Variants in SNX16 observed in about 807,000 individuals in gnomAD.
SNX16 encodes sorting nexin 16, also known as sorting nexin-16.
A neutral mutation model predicts 36.7 loss-of-function variants in SNX16; 35 were observed. The observed-to-expected ratio is 0.95, with a 90% CI of 0.73 to 1.27. The LOEUF is 1.27. Ranked by LOEUF, SNX16 falls within the 50% of genes most tolerant of loss-of-function variation. SNX16 has a pLI of 0.00. For missense variants in SNX16, 367 were observed against 393.6 expected (o/e 0.93, Z 0.57); for synonymous variants, 134 against 132.0 (o/e 1.02, Z -0.10).
At chr8:81,823,652 G>T in intron 4 of SNX16, 140 bp downstream of exon 4, 1 of 624,768 alleles carries the variant, frequency 1.6e-6, no homozygotes, top group Non-Finnish European at 2.5e-6. Context: ...ATCTCTTGTA[G>T]TACTTTGTTA....
At chr8:81,830,871 C>T (rs1212167569) in intron 2 of SNX16, among the ~76,000 whole-genome samples, 1 of 152,178 alleles carries the variant, frequency 6.6e-6, no homozygotes, top group East Asian at 1.9e-4. Context: ...AATTATATTA[C>T]AAGCCTACAA....
intron 2 of SNX16, among the ~76,000 whole-genome samples, chr8:81,835,948 T>C (rs58117037): frequency 0.6 from 90,706 of 152,072 alleles, 27,781 homozygotes; most frequent in East Asian, 0.98. Flanking sequence ...TTGCCCCTTG[T>C]CCCTCATCTG....
chr8:81,824,468 T>C (rs1239986168), intron 3 of SNX16, among the ~76,000 whole-genome samples: 1 of 152,170 alleles, frequency 6.6e-6, no homozygotes, highest in African/African-American at 2.4e-5. Flanking sequence ...AGCAGATTTT[T>C]TTTAATTTTA....
chr8:81,806,404 A>G (rs1422719909), intron 5 of SNX16, among the ~76,000 whole-genome samples: 1 of 152,210 alleles, frequency 6.6e-6, no homozygotes, highest in Non-Finnish European at 1.5e-5. Context: ...ATAGATTAAA[A>G]AAAACCCATA....
At chr8:81,802,918 T>C (rs2029414) in intron 6 of SNX16, among the ~76,000 whole-genome samples, 174 bp downstream of exon 6, 13,575 of 151,838 alleles carry the variant, frequency 0.089, 701 homozygotes, top group East Asian at 0.18. Context: ...ATGTTCAAAA[T>C]TTATTTAGCA....
intron 5 of SNX16, among the ~76,000 whole-genome samples, chr8:81,814,064 T>C (rs564454153): frequency 3.9e-4 from 60 of 152,114 alleles, no homozygotes; most frequent in Non-Finnish European, 6.5e-4. Context: ...CTTAGGGAAG[T>C]AGAATTTCTC....
At chr8:81,802,344 C>A in intron 7 of SNX16, 36 bp downstream of exon 7, 1 of 1,540,616 alleles carries the variant, frequency 6.5e-7, no homozygotes, top group South Asian at 1.2e-5. Flanking sequence ...TCCAATTATT[C>A]AAGAATTAAG....
intron 5 of SNX16, among the ~76,000 whole-genome samples, chr8:81,806,444 A>T (rs1215800679): frequency 6.6e-6 from 1 of 152,210 alleles, no homozygotes; most frequent in Non-Finnish European, 1.5e-5. Flanking sequence ...AAGTGAAAGC[A>T]TTCACACACA....
intron 2 of SNX16, among the ~76,000 whole-genome samples, chr8:81,831,017 C>T (rs1266399424): frequency 2.6e-5 from 4 of 152,106 alleles, no homozygotes; most frequent in Non-Finnish European, 4.4e-5. Flanking sequence ...CATAGGGAAG[C>T]GATCCCCTGT....
intron 5 of SNX16, among the ~76,000 whole-genome samples, chr8:81,809,046 T>C (rs1810104026): frequency 6.6e-6 from 1 of 152,146 alleles, no homozygotes; most frequent in Non-Finnish European, 1.5e-5. Flanking sequence ...CTGATTGTGA[T>C]ACTGAATAAA....
intron 5 of SNX16, chr8:81,815,050 A>G: frequency 1.1e-5 from 2 of 181,180 alleles, no homozygotes. Context: ...AGGTCCCCCA[A>G]ATCATTTTTT....
intron 7 of SNX16, among the ~76,000 whole-genome samples, 176 bp from the exon 8 acceptor site, chr8:81,801,769 G>A (rs1468035057): frequency 6.6e-6 from 1 of 151,580 alleles, no homozygotes; most frequent in Admixed American, 6.6e-5. Context: ...ATATATTTAA[G>A]TTGTCATTGC....
At position 81,808,666 on chromosome 8, in the gene SNX16, C is replaced by T. The variant is rs184060322; in HGVS notation, c.682-5438G>A. The T allele has an allele frequency of 8.0e-6, 8 of 994,252 alleles. No individual in the cohort carries two copies. The Admixed American group carries it at 1.4e-4, about 17-fold the overall frequency. 61.6% of individuals were successfully genotyped at this position (994,252 alleles called of 1,614,324 possible). A position where few individuals can be genotyped will look rare whatever the true frequency, so the allele number is the denominator to read the frequency against. On this transcript the variant is annotated intron_variant, in intron 5 of 7. Transcript: ENST00000345957. ...GGTGGAGGCCAATACTTTGCCAAACCACGAAACCAAGGTGGCTATGGCGGT... is the reference window on the plus strand; with the variant it reads ...GGTGGAGGCCAATACTTTGCCAAACTACGAAACCAAGGTGGCTATGGCGGT...
chr8:81,822,302 T>A (rs777476854), intron 4 of SNX16, among the ~76,000 whole-genome samples: 3 of 151,940 alleles, frequency 2.0e-5, no homozygotes, highest in East Asian at 1.9e-4. Context: ...TTTCAGGAAA[T>A]AGCATATTTG....
intron 3 of SNX16, among the ~76,000 whole-genome samples, chr8:81,828,222 T>C (rs1811097265): frequency 6.6e-6 from 1 of 152,188 alleles, no homozygotes; most frequent in South Asian, 2.1e-4. Context: ...ACTACTTATA[T>C]ATGATAAATC....
chr8:81,836,925 C>A (rs1811519164), intron 2 of SNX16, among the ~76,000 whole-genome samples: 1 of 152,146 alleles, frequency 6.6e-6, no homozygotes, highest in East Asian at 1.9e-4. Flanking sequence ...CACTTCCCTG[C>A]CTGTCATCTC....
chr8:81,819,389 C>T (rs923440595), intron 4 of SNX16, among the ~76,000 whole-genome samples: 1 of 152,068 alleles, frequency 6.6e-6, no homozygotes, highest in African/African-American at 2.4e-5. Context: ...GGTACAAGAC[C>T]TGTACCTTCT....
At chr8:81,837,101 G>C (rs1811524552) in intron 2 of SNX16, among the ~76,000 whole-genome samples, 1 of 152,090 alleles carries the variant, frequency 6.6e-6, no homozygotes, top group Non-Finnish European at 1.5e-5. Context: ...CCCAGATTTG[G>C]GGAAACTCCC....
intron 5 of SNX16, 117 bp from the exon 6 acceptor site, chr8:81,803,345 A>C: frequency 9.6e-7 from 1 of 1,042,450 alleles, no homozygotes. Flanking sequence ...GATAATCAAA[A>C]TAATAGTATG....
Sources: allele counts gnomAD v4.1 joint callset (sites outside exome capture counted in the v4.1 genomes callset), GRCh38; gene constraint gnomAD v4.1.1; transcripts MANE v1.5; gene names NCBI Gene and HGNC (gene_info 2026-07-23, HGNC 2026-07-21).